Variants in ZNF536 observed in about 807,000 individuals in gnomAD.
ZNF536 encodes zinc finger protein 536.
A neutral mutation model predicts 84.5 loss-of-function variants in ZNF536; 13 were observed. The observed-to-expected ratio is 0.15, with a 90% CI of 0.10 to 0.24. ZNF536 has a LOEUF of 0.24. Ranked by LOEUF, ZNF536 falls within the 10% of genes least tolerant of loss-of-function variation. ZNF536 has a pLI of 1.00. For synonymous variants in ZNF536, 811 were observed against 742.5 expected (o/e 1.09, Z -1.50); for missense variants, 1,536 against 1,747.5 (o/e 0.88, Z 2.16).
intron 2 of ZNF536, among the ~76,000 whole-genome samples, chr19:30,531,727 C>A (rs959782179): frequency 1.3e-5 from 2 of 152,068 alleles, no homozygotes; most frequent in African/African-American, 4.8e-5. Flanking sequence ...CGAGTTCAAG[C>A]AATTCTTGTG....
chr19:30,567,835 A>AG (rs949776941), intron 1 of ZNF536, among the ~76,000 whole-genome samples: 3 of 152,184 alleles, frequency 2.0e-5, no homozygotes, highest in Non-Finnish European at 4.4e-5. Context: ...TCTGTCAGGC[A>AG]GGGGGAAGGA....
intron 1 of ZNF536, among the ~76,000 whole-genome samples, chr19:30,658,480 C>A (rs2050001290): frequency 6.6e-6 from 1 of 152,068 alleles, no homozygotes; most frequent in African/African-American, 2.4e-5. Flanking sequence ...TTTGCTGACA[C>A]CTCAGGGTCT....
At chr19:30,677,637 T>A (rs886562207) in intron 1 of ZNF536, among the ~76,000 whole-genome samples, 4 of 152,386 alleles carry the variant, frequency 2.6e-5, no homozygotes, top group African/African-American at 9.6e-5. Flanking sequence ...GACCCCTGCA[T>A]GCTGCAGATA....
chr19:30,428,956 G>A (rs566950798), intron 1 of ZNF536, among the ~76,000 whole-genome samples: 15 of 152,338 alleles, frequency 9.8e-5, no homozygotes, highest in Admixed American at 8.5e-4. Flanking sequence ...GAGAGGGGCT[G>A]AGTTCAGGGT....
Position 30,468,922 on chromosome 19 carries a change from C to G in ZNF536, c.2170+23190C>G, listed in dbSNP as rs571350349. On this transcript the variant is annotated intron_variant, in intron 2 of 4. Coordinates refer to ENST00000355537, the MANE Select transcript of ZNF536 (RefSeq NM_014717.3). Reference sequence around the variant, plus strand: ...ATTCCCACCTGAGAATGTCCAGAGGCGATGAGGATTGTCACACCCACCCCA... The same window carrying G: ...ATTCCCACCTGAGAATGTCCAGAGGGGATGAGGATTGTCACACCCACCCCA... Among the ~76,000 whole-genome samples the G allele has an allele frequency of 2.6e-5, 4 of 152,058 alleles. No individual in the cohort carries two copies. The East Asian group carries it at 7.8e-4, about 30-fold the overall frequency.
chr19:30,277,225 A>G lies in ZNF536; in HGVS notation c.-189-6847A>G, dbSNP rs568886860. Reference sequence around the variant, plus strand: ...TTAAATTGAATTTTCAACACTGTTGATGTGCACATGGATTTGTTTATTAAA... The same window carrying G: ...TTAAATTGAATTTTCAACACTGTTGGTGTGCACATGGATTTGTTTATTAAA... On this transcript the variant is annotated intron_variant, in intron 1 of 5. Coordinates refer to the ZNF536 transcript ENST00000585628. Among the ~76,000 whole-genome samples the G allele has an allele frequency of 3.3e-5, 5 of 152,236 alleles. No individual in the cohort carries two copies. The South Asian group carries it at 8.3e-4, about 25-fold the overall frequency.
chr19:30,359,678 G>A (rs1938027694), intron 3 of ZNF536, among the ~76,000 whole-genome samples: 1 of 151,792 alleles, frequency 6.6e-6, no homozygotes, highest in Admixed American at 6.6e-5. Flanking sequence ...CATCCTTGTG[G>A]GCAGTTGGAC....
At chr19:30,629,653 G>A (rs571169325) in intron 1 of ZNF536, among the ~76,000 whole-genome samples, 1 of 152,244 alleles carries the variant, frequency 6.6e-6, no homozygotes, top group Non-Finnish European at 1.5e-5. Flanking sequence ...CTGCCTGCTG[G>A]CCGCAGTGAA....
At chr19:30,545,779 G>A (rs1302467405) in intron 3 of ZNF536, among the ~76,000 whole-genome samples, 2 of 152,062 alleles carry the variant, frequency 1.3e-5, no homozygotes, top group South Asian at 2.1e-4. Flanking sequence ...ACCCAGAAAG[G>A]CAGCCCTCCA....
At chr19:30,496,503 T>C (rs1490724188) in intron 2 of ZNF536, among the ~76,000 whole-genome samples, 2 of 152,158 alleles carry the variant, frequency 1.3e-5, no homozygotes, top group Admixed American at 6.5e-5. Flanking sequence ...CACTGAGCAG[T>C]GAGCTGAGAT....
intron 2 of ZNF536, among the ~76,000 whole-genome samples, chr19:30,520,317 C>T (rs1015541395): frequency 1.3e-5 from 2 of 152,140 alleles, no homozygotes; most frequent in Admixed American, 6.5e-5. Flanking sequence ...TTCCCGGGTG[C>T]AAGCCCCCAG....
rs1289157486 is a variant in ZNF536 at position 30,557,259 on chromosome 19, G to A, written c.*95G>A. 2.1e-6 allele frequency: 3 copies of A among 1,410,128 alleles called. No homozygotes were observed. The African/African-American group carries it at 4.2e-5, about 20-fold the overall frequency. 87.4% of individuals were successfully genotyped at this position (1,410,128 alleles called of 1,614,324 possible). On this transcript the variant is annotated 3_prime_UTR_variant, in exon 5 of 5. Coordinates refer to ENST00000355537, the MANE Select transcript of ZNF536 (RefSeq NM_014717.3). ...GCTTGTTAATCGTGTAAAGTCAAGA[G>A]AAGAATGTATACACATATGTGTGTT...
intron 2 of ZNF536, among the ~76,000 whole-genome samples, chr19:30,510,083 A>G (rs796481479): frequency 1.2e-4 from 19 of 152,342 alleles, no homozygotes; most frequent in African/African-American, 4.3e-4. Flanking sequence ...GTCCGGGGGC[A>G]GCCTGCATTC....
At chr19:30,621,310 G>A (rs1568610436) in intron 1 of ZNF536, among the ~76,000 whole-genome samples, 1 of 152,042 alleles carries the variant, frequency 6.6e-6, no homozygotes, top group African/African-American at 2.4e-5. Context: ...CAGATGCTTC[G>A]AAGGTCTTTC....
chr19:30,576,182 G>A (rs186873896), intron 1 of ZNF536, among the ~76,000 whole-genome samples: 104 of 152,326 alleles, frequency 6.8e-4, no homozygotes, highest in African/African-American at 2.2e-3. Flanking sequence ...AGCATGAGAC[G>A]ATTTGGAGAG....
Position 30,377,349 on chromosome 19 carries a change from T to G in ZNF536, c.-3+4793T>G, listed in dbSNP as rs181434034. 5.3e-5 allele frequency among the ~76,000 whole-genome samples: 8 copies of G among 152,274 alleles called. No homozygotes were observed. The East Asian group carries it at 1.5e-3, about 29-fold the overall frequency. Reference sequence around the variant, plus strand: ...AAAGTTAGCCTTTGGGCCAGGGGTTTCCACACTATAGTCGCTTCTGTGGTC... The same window carrying G: ...AAAGTTAGCCTTTGGGCCAGGGGTTGCCACACTATAGTCGCTTCTGTGGTC... On this transcript the variant is annotated intron_variant, in intron 1 of 4. Coordinates refer to ENST00000355537, the MANE Select transcript of ZNF536 (RefSeq NM_014717.3).
intron 3 of ZNF536, among the ~76,000 whole-genome samples, chr19:30,360,216 G>A (rs531782473): frequency 4.6e-5 from 7 of 152,326 alleles, no homozygotes; most frequent in African/African-American, 1.7e-4. Context: ...GGGTCGGCTC[G>A]GCTCTGGGCC....
intron 2 of ZNF536, among the ~76,000 whole-genome samples, chr19:30,297,384 T>C (rs1347353979): frequency 6.6e-6 from 1 of 152,248 alleles, no homozygotes; most frequent in Non-Finnish European, 1.5e-5. Flanking sequence ...CTTTTTTTAA[T>C]GGCCCACGTT....
intron 2 of ZNF536, among the ~76,000 whole-genome samples, chr19:30,306,884 T>A (rs2081856279): frequency 6.6e-6 from 1 of 152,126 alleles, no homozygotes; most frequent in South Asian, 2.1e-4. Flanking sequence ...CCACAAAACA[T>A]ATAGATAAAA....
Sources: allele counts gnomAD v4.1 joint callset (sites outside exome capture counted in the v4.1 genomes callset), GRCh38; gene constraint gnomAD v4.1.1; transcripts MANE v1.5; gene names NCBI Gene and HGNC (gene_info 2026-07-23, HGNC 2026-07-21).